MAP7: variants seen among roughly 807,000 people sequenced by gnomAD.
MAP7 encodes the protein ensconsin.
In MAP7, 52 loss-of-function variants were observed where a neutral mutation model predicts 94.8. The ratio of observed to expected loss-of-function variants is 0.55; its 90% confidence interval spans 0.44 to 0.69. MAP7 has a LOEUF of 0.69. Ranked by LOEUF, MAP7 falls within the 30% of genes least tolerant of loss-of-function variation. MAP7 has a pLI of 0.00. For synonymous variants in MAP7, 350 were observed against 357.0 expected (o/e 0.98, Z 0.22); for missense variants, 940 against 964.6 (o/e 0.97, Z 0.34).
intron 1 of MAP7, among the ~76,000 whole-genome samples, chr6:136,466,361 A>C (rs1413014445): frequency 6.6e-6 from 1 of 152,124 alleles, no homozygotes; most frequent in Non-Finnish European, 1.5e-5. Context: ...TATATACTGA[A>C]ATTTTTTTTG....
At chr6:136,352,214 G>T (rs142547655) in intron 16 of MAP7, among the ~76,000 whole-genome samples, 2 of 149,312 alleles carry the variant, frequency 1.3e-5, no homozygotes, top group East Asian at 3.9e-4. Context: ...TTTTAACAGG[G>T]TCCCACTCTG....
intron 1 of MAP7, among the ~76,000 whole-genome samples, chr6:136,474,480 A>AG (rs1810171390): frequency 6.6e-6 from 1 of 152,184 alleles, no homozygotes; most frequent in South Asian, 2.1e-4. Flanking sequence ...CTTTGGAGGT[A>AG]GTGCCAACAG....
intron 1 of MAP7, among the ~76,000 whole-genome samples, chr6:136,498,454 T>A (rs563569257): frequency 6.6e-6 from 1 of 152,176 alleles, no homozygotes; most frequent in East Asian, 1.9e-4. Flanking sequence ...TCTTTCCAAC[T>A]GACTTTGGAC....
intron 5 of MAP7, among the ~76,000 whole-genome samples, chr6:136,384,281 C>T (rs578259734): frequency 1.8e-4 from 28 of 151,950 alleles, no homozygotes; most frequent in Admixed American, 3.3e-4. Flanking sequence ...TAGAAGAAGG[C>T]TCGTTGTTGT....
chr6:136,450,777 T>TC (rs1418844079), intron 1 of MAP7, among the ~76,000 whole-genome samples: 1 of 148,868 alleles, frequency 6.7e-6, no homozygotes, highest in East Asian at 2.0e-4. Flanking sequence ...AGAGCAAAAC[T>TC]CCATCTCAAA....
intron 3 of MAP7, among the ~76,000 whole-genome samples, chr6:136,400,415 C>CA (rs756984331): frequency 0.015 from 954 of 61,784 alleles, 5 homozygotes; most frequent in African/African-American, 0.038. Context: ...GACTCTGTCT[C>CA]AAAAAAAAAA....
intron 1 of MAP7, among the ~76,000 whole-genome samples, chr6:136,518,260 G>GA (rs1825426674): frequency 6.6e-6 from 1 of 152,088 alleles, no homozygotes; most frequent in Non-Finnish European, 1.5e-5. Flanking sequence ...TAATTTTTCT[G>GA]GGTCTATACT....
chr6:136,462,730 G>A (rs1244741465), intron 1 of MAP7, among the ~76,000 whole-genome samples: 1 of 152,100 alleles, frequency 6.6e-6, no homozygotes, highest in African/African-American at 2.4e-5. Context: ...AGGAGGCTGA[G>A]GTAGGCGGAT....
At chr6:136,519,840 A>G (rs911236803) in intron 1 of MAP7, among the ~76,000 whole-genome samples, 4 of 152,216 alleles carry the variant, frequency 2.6e-5, no homozygotes, top group African/African-American at 7.2e-5. Flanking sequence ...GTGGTCAATT[A>G]ATAGCACCTT....
chr6:136,492,917 T>C (rs918477592), intron 1 of MAP7, among the ~76,000 whole-genome samples: 5 of 152,082 alleles, frequency 3.3e-5, no homozygotes, highest in Non-Finnish European at 7.4e-5. Flanking sequence ...TATATATATT[T>C]GTATAATTTT....
intron 1 of MAP7, among the ~76,000 whole-genome samples, chr6:136,548,781 G>A (rs1829919441): frequency 6.6e-6 from 1 of 152,170 alleles, no homozygotes; most frequent in African/African-American, 2.4e-5. Flanking sequence ...CACTTAGCTC[G>A]CTAGAACAAT....
chr6:136,483,130 A>C (rs1813446342), intron 1 of MAP7, among the ~76,000 whole-genome samples: 1 of 92,884 alleles, frequency 1.1e-5, no homozygotes. Flanking sequence ...AGTATCTTTC[A>C]AAAAAAAAAA....
intron 1 of MAP7, among the ~76,000 whole-genome samples, chr6:136,483,370 C>T (rs535565117): frequency 7.3e-5 from 11 of 151,474 alleles, no homozygotes; most frequent in African/African-American, 1.5e-4. Context: ...GGGTGAAGGG[C>T]GGGAGGGGGG....
chr6:136,454,588 G>A (rs1244088386), intron 1 of MAP7, among the ~76,000 whole-genome samples: 3 of 150,514 alleles, frequency 2.0e-5, no homozygotes, highest in Non-Finnish European at 4.4e-5. Flanking sequence ...ATGAGCCACC[G>A]AACCTGGCCT....
At chr6:136,360,667 T>A (rs755792191) in intron 13 of MAP7, 30 bp downstream of exon 13, 31 of 1,603,494 alleles carry the variant, frequency 1.9e-5, no homozygotes, top group Non-Finnish European at 2.6e-5. Flanking sequence ...CAAGTTCGCG[T>A]CCCGGGCCTC....
chr6:136,388,456 G>A lies in MAP7; in HGVS notation c.463C>T (p.Gln155Ter). 1 of 1,614,174 alleles carries A rather than the reference G, an allele frequency of 6.2e-7. No individual in the cohort carries two copies. The highest frequency in any genetic ancestry group is 1.3e-5 in the African/African-American group (1 of 75,062). Residue 155 changes from glutamine to a stop codon, truncating the protein, a stop_gained, in exon 5 of 18, where the codon CAG (glutamine) becomes TAG (stop). Coordinates refer to ENST00000354570, the MANE Select transcript of MAP7 (RefSeq NM_003980.6). LOFTEE classifies it high-confidence loss of function. ...CCCCACGACCAACGGTTATGCTTCT[G>A]TTTTGGCTTCTGGCTCCTTTCCATT... ...RTMERSQKPK[Q>*]KHNRWSWGGS...
chr6:136,497,713 C>A (rs1202864711), intron 1 of MAP7, among the ~76,000 whole-genome samples: 1 of 148,248 alleles, frequency 6.7e-6, no homozygotes, highest in African/African-American at 2.5e-5. Context: ...GCAGGAGAAT[C>A]GCTTGAACCC....
chr6:136,456,270 A>G (rs1802818484), intron 1 of MAP7, among the ~76,000 whole-genome samples: 1 of 152,208 alleles, frequency 6.6e-6, no homozygotes, highest in Non-Finnish European at 1.5e-5. Flanking sequence ...GGAAATTATA[A>G]AATATCTTGA....
At chr6:136,350,795 C>T (rs911021810) in intron 16 of MAP7, among the ~76,000 whole-genome samples, 1 of 152,116 alleles carries the variant, frequency 6.6e-6, no homozygotes, top group African/African-American at 2.4e-5. Flanking sequence ...GAGGTAGAGG[C>T]TGCAGTGAGC....
Sources: gnomAD v4.1 joint callset for allele counts (sites outside exome capture counted in the v4.1 genomes callset) on GRCh38, gnomAD v4.1.1 for gene constraint, MANE v1.5 for transcripts, NCBI Gene and HGNC (gene_info 2026-07-23, HGNC 2026-07-21) for gene names.